The following RPS3 variants were observed in gnomAD, a reference collection of about 807,000 sequenced individuals.
RPS3 encodes ribosomal protein S3.
RPS3 carries 2 observed loss-of-function variants against 25.8 expected under a neutral mutation model. The ratio of observed to expected loss-of-function variants is 0.08; its 90% CI spans 0.03 to 0.24. The LOEUF is 0.24. Ranked by LOEUF, RPS3 falls within the 10% of genes least tolerant of loss-of-function variation. RPS3 has a pLI of 1.00. For missense variants in RPS3, 107 were observed against 307.1 expected, an observed-to-expected ratio of 0.35 and a Z score of 4.87; for synonymous variants, 114 against 114.2, an observed-to-expected ratio of 1.00 and a Z score of 0.01.
chr11:75,408,350 T>C (rs1176236471), downstream of RPS3, among the ~76,000 whole-genome samples: 3 of 152,056 alleles, frequency 2.0e-5, no homozygotes, highest in Non-Finnish European at 4.4e-5. Context: ...GAAGAGATTT[T>C]AAAAATTTGC....
Position 75,400,520 on chromosome 11 carries a change from A to G in RPS3, c.31-174A>G, listed in dbSNP as rs564698181. 2.3e-5 allele frequency: 20 copies of G among 884,542 alleles called. No homozygotes were observed. In the Admixed American group the frequency reaches 3.4e-4, roughly 15 times the overall value. 54.8% of individuals were successfully genotyped at this position (884,542 alleles called of 1,614,324 possible). On this transcript the variant is annotated intron_variant, in intron 1 of 6. Transcript: ENST00000531188. Reference sequence around the variant, plus strand: ...AAGTAATTTCCTAAAGATGACTTAGAGGCATTTGTCTGAGAAGGGTTGCTG... The same window carrying G: ...AAGTAATTTCCTAAAGATGACTTAGGGGCATTTGTCTGAGAAGGGTTGCTG...
chr11:75,410,186 C>A (rs1948336644), downstream of RPS3, among the ~76,000 whole-genome samples: 3 of 151,846 alleles, frequency 2.0e-5, no homozygotes, highest in African/African-American at 7.3e-5. Flanking sequence ...CACCTCCCTC[C>A]TGGACGGGGC....
In RPS3 at chr11:75,404,107, G is replaced by A; in HGVS notation, c.438G>A (p.Arg146=). ...TGTCTGGGAAACTCCGAGGACAGAG[G>A]GCTAAATCCATGAAGTTTGTGGATG... ...VVVSGKLRGQ[R]AKSMKFVDGL... is the part of the protein sequence containing the mutation. Residue 146 remains arginine (R), a synonymous_variant, in exon 5 of 7, where the codon AGG becomes AGA. Coordinates refer to ENST00000531188, the MANE Select transcript of RPS3 (RefSeq NM_001005.5). This position sits in a 1 kb window ranked among gnomAD's most constrained non-coding sequence, Gnocchi z 4.6. 6.2e-7 allele frequency: 1 copy of A among 1,614,086 alleles called. No individual in the cohort carries two copies. The highest frequency in any genetic ancestry group is 8.5e-7 in the Non-Finnish European group (1 of 1,180,028).
At chr11:75,420,547 A>G (rs1016856097) in intron 6 of RPS3, among the ~76,000 whole-genome samples, 1 of 152,082 alleles carries the variant, frequency 6.6e-6, no homozygotes, top group Non-Finnish European at 1.5e-5. Flanking sequence ...TCCCAGCCCA[A>G]TGACTTTAGT....
intron 4 of RPS3, 200 bp downstream of exon 4, chr11:75,402,646 G>T: frequency 2.1e-6 from 1 of 484,164 alleles, no homozygotes; most frequent in East Asian, 3.6e-5. Context: ...TGTAAAGGGT[G>T]GTCAGTCCTG....
At chr11:75,416,532 C>T (rs1253951064) in intron 6 of RPS3, among the ~76,000 whole-genome samples, 1 of 147,210 alleles carries the variant, frequency 6.8e-6, no homozygotes, top group African/African-American at 2.5e-5. Context: ...GATCTCAGCT[C>T]ACTGCAACCT....
intron 6 of RPS3, among the ~76,000 whole-genome samples, chr11:75,412,107 T>C (rs1243441412): frequency 1.3e-5 from 2 of 152,204 alleles, no homozygotes; most frequent in African/African-American, 2.4e-5. Flanking sequence ...CAAGGACTCA[T>C]CTTCCCCTCT....
In RPS3 at chr11:75,406,791, T is replaced by C. The variant is rs996700527; in HGVS notation, c.*1181T>C. ...TGTGTGTATTGAACATGTAGACTTA[T>C]TTTTCTTATTTTCAAAATACTATAT... On this transcript the variant is annotated 3_prime_UTR_variant, in exon 7 of 7. Coordinates refer to ENST00000531188, the MANE Select transcript of RPS3 (RefSeq NM_001005.5). 1 of 152,216 alleles carries C rather than the reference T, an allele frequency of 6.6e-6. No individual in the cohort carries two copies. 9.4% of individuals were successfully genotyped at this position (152,216 alleles called of 1,614,324 possible). A position where few individuals can be genotyped will look rare whatever the true frequency, so the allele number is the denominator to read the frequency against.
rs968267091 is a variant in RPS3 at position 75,414,349 on chromosome 11, C to A, written c.*4-7378C>A. ...ACTGTCGGCCGGGTGCCGTGGCTCA[C>A]GCCTGTAATCCCAGCACTTTGGGAG... On this transcript the variant is annotated intron_variant, in intron 6 of 6. Coordinates refer to the RPS3 transcript ENST00000527446. Among the ~76,000 whole-genome samples, 4 of 152,322 alleles carry A rather than the reference C, an allele frequency of 2.6e-5. No homozygotes were observed. In the East Asian group the frequency reaches 7.7e-4, roughly 29 times the overall value.
Position 75,404,092 on chromosome 11 carries a change from A to C in RPS3, c.423A>C (p.Lys141Asn). The C allele has an allele frequency of 6.2e-7, 1 of 1,613,622 alleles. No homozygotes were observed. The highest frequency in any genetic ancestry group is 8.5e-7 in the Non-Finnish European group (1 of 1,179,980). Residue 141 changes from lysine to asparagine, a missense_variant, in exon 5 of 7, where the codon AAA becomes AAC. Transcript: ENST00000531188. The surrounding 1 kb of genome is among the most constrained non-coding windows in gnomAD (Gnocchi z 4.6). ...GCTGCGAGGTTGTGGTGTCTGGGAA[A>C]CTCCGAGGACAGAGGGCTAAATCCA... is the stretch of plus-strand genomic sequence containing the variant. Reference protein sequence around the residue: ...AKGCEVVVSGKLRGQRAKSMK... With the variant: ...AKGCEVVVSGNLRGQRAKSMK...
intron 6 of RPS3, among the ~76,000 whole-genome samples, chr11:75,414,901 T>C (rs1948384218): frequency 6.6e-6 from 1 of 152,244 alleles, no homozygotes; most frequent in Admixed American, 6.5e-5. Context: ...GGGGATCCAC[T>C]CCCAGACAGA....
chr11:75,410,464 A>G (rs1948342073), downstream of RPS3, among the ~76,000 whole-genome samples: 1 of 148,248 alleles, frequency 6.7e-6, no homozygotes, highest in Non-Finnish European at 1.5e-5. Flanking sequence ...CGCTTCCTAG[A>G]TGGGATGGCG....
At chr11:75,414,749 G>A (rs962130017) in intron 6 of RPS3, among the ~76,000 whole-genome samples, 5 of 152,364 alleles carry the variant, frequency 3.3e-5, no homozygotes, top group Admixed American at 6.5e-5. Context: ...ATCAGGCAAG[G>A]AGAGAACACC....
At chr11:75,401,499 A>C in intron 2 of RPS3, 141 bp from the exon 3 acceptor site, 2 of 631,242 alleles carry the variant, frequency 3.2e-6, no homozygotes, top group Non-Finnish European at 5.6e-6. Flanking sequence ...CAAAAAAAAA[A>C]GCTGCGTTTT....
chr11:75,400,623 A>C, intron 1 of RPS3, 71 bp from the exon 2 acceptor site: 1 of 1,590,282 alleles, frequency 6.3e-7, no homozygotes, highest in Admixed American at 1.7e-5. Flanking sequence ...GACTAATAAG[A>C]CTAGACTGGC....
rs767095371 is a variant in RPS3 at position 75,399,556 on chromosome 11, G to A, written c.9G>A (p.Val3=). The A allele has an allele frequency of 1.9e-6, 3 of 1,613,986 alleles. No homozygotes were observed. The highest frequency in any genetic ancestry group is 2.2e-5 in the East Asian group (1 of 44,838). MA[V]QISKKRKFVA... is the part of the protein sequence containing the mutation. The stretch of plus-strand genomic sequence containing the variant: ...CGGAGCGCGGCGGCAAGATGGCAGT[G>A]CAAATATCCAAGAAGAGGAAGGTGA... The change falls in exon 1 of 7, where the codon GTG becomes GTA. Residue 3 remains valine (V), a synonymous_variant. Transcript: ENST00000531188.
chr11:75,414,868 G>A (rs1052252265), intron 6 of RPS3, among the ~76,000 whole-genome samples: 2 of 152,180 alleles, frequency 1.3e-5, no homozygotes, highest in African/African-American at 4.8e-5. Flanking sequence ...GTGCTGAGAG[G>A]ACAGTGGATA....
downstream of RPS3, among the ~76,000 whole-genome samples, chr11:75,410,197 G>T (rs1307283542): frequency 1.7e-4 from 26 of 151,464 alleles, 1 homozygote; most frequent in African/African-American, 6.1e-4. Flanking sequence ...TGGACGGGGC[G>T]ACTGGCCGGG....
chr11:75,411,499 C>T (rs983264128), downstream of RPS3, among the ~76,000 whole-genome samples: 3 of 152,156 alleles, frequency 2.0e-5, no homozygotes, highest in Admixed American at 1.3e-4. Context: ...ACGACATTCT[C>T]CTGCCTCAGC....
Sources: allele counts gnomAD v4.1 joint callset (sites outside exome capture counted in the v4.1 genomes callset), GRCh38; gene constraint gnomAD v4.1.1; non-coding constraint Gnocchi (gnomAD v3.1); transcripts MANE v1.5; gene names NCBI Gene and HGNC (gene_info 2026-07-23, HGNC 2026-07-21).